Variants in FGF12 observed in about 807,000 individuals in gnomAD.
FGF12 encodes the protein fibroblast growth factor 12, also known as fibroblast growth factor 12B.
A neutral mutation model predicts 23.6 loss-of-function variants in FGF12; 14 were observed. The observed-to-expected ratio is 0.59, with a 90% CI of 0.39 to 0.93. The LOEUF (loss-of-function observed/expected upper bound fraction) is 0.93, where lower values mean the gene tolerates loss of function less well. Ranked by LOEUF, FGF12 falls within the 40% of genes least tolerant of loss-of-function variation. The pLI, the probability that FGF12 is intolerant of heterozygous loss-of-function variation, is 0.00. For missense variants in FGF12, 175 were observed against 217.8 expected (o/e 0.80, Z 1.24); for synonymous variants, 62 against 77.3 (o/e 0.80, Z 1.04).
At chr3:192,414,527 CTT>C (rs1020066374) in intron 2 of FGF12, among the ~76,000 whole-genome samples, 5 of 152,164 alleles carry the variant, frequency 3.3e-5, no homozygotes, top group Non-Finnish European at 7.4e-5. Flanking sequence ...TTATGTAACT[CTT>C]TACTAATTAC....
At chr3:192,341,087 C>T in intron 3 of FGF12, among the ~76,000 whole-genome samples, 1 of 152,068 alleles carries the variant, frequency 6.6e-6, no homozygotes, top group Non-Finnish European at 1.5e-5. Context: ...ATCCAGAATA[C>T]ATAAGAAACT....
intron 4 of FGF12, among the ~76,000 whole-genome samples, chr3:192,281,650 GC>G (rs1714150655): frequency 6.6e-6 from 1 of 152,044 alleles, no homozygotes; most frequent in African/African-American, 2.4e-5. Flanking sequence ...TGTGACCTCA[GC>G]TTGGGCACTT....
intron 4 of FGF12, among the ~76,000 whole-genome samples, chr3:192,247,262 A>T (rs1357450309): frequency 6.6e-6 from 1 of 152,158 alleles, no homozygotes; most frequent in Non-Finnish European, 1.5e-5. Flanking sequence ...CAACAAGCAG[A>T]TGCACTCATC....
At chr3:192,456,946 T>C (rs1722700130) in intron 2 of FGF12, among the ~76,000 whole-genome samples, 1 of 152,182 alleles carries the variant, frequency 6.6e-6, no homozygotes, top group East Asian at 1.9e-4. Flanking sequence ...AATTCCCATG[T>C]GTTGTGGGAG....
intron 5 of FGF12, among the ~76,000 whole-genome samples, chr3:192,147,101 CCA>C (rs1479324736): frequency 6.6e-6 from 1 of 152,116 alleles, no homozygotes; most frequent in East Asian, 1.9e-4. Flanking sequence ...CTTCTGTTAA[CCA>C]AAATAAAAAG....
At chr3:192,272,445 C>T (rs975391237) in intron 4 of FGF12, among the ~76,000 whole-genome samples, 8 of 152,042 alleles carry the variant, frequency 5.3e-5, no homozygotes, top group African/African-American at 1.7e-4. Context: ...TAAAATAAAA[C>T]GTAACCAGTG....
intron 2 of FGF12, among the ~76,000 whole-genome samples, chr3:192,642,346 T>C (rs1023883351): frequency 2.6e-5 from 4 of 152,172 alleles, no homozygotes; most frequent in Admixed American, 1.3e-4. Flanking sequence ...AAGAGATTCC[T>C]GCCCTGACCC....
chr3:192,324,725 A>AATAC (rs756463918), intron 4 of FGF12, among the ~76,000 whole-genome samples: 4 of 152,346 alleles, frequency 2.6e-5, no homozygotes, highest in Middle Eastern at 3.4e-3. Flanking sequence ...TGACTAAAGA[A>AATAC]ATACAATCTA....
At chr3:192,617,449 C>CT (rs1238981624) in intron 2 of FGF12, among the ~76,000 whole-genome samples, 1 of 152,038 alleles carries the variant, frequency 6.6e-6, no homozygotes, top group Non-Finnish European at 1.5e-5. Flanking sequence ...AGAAGTCATT[C>CT]TCCCACTTTC....
At chr3:192,469,462 T>C (rs1723108401) in intron 2 of FGF12, among the ~76,000 whole-genome samples, 1 of 152,234 alleles carries the variant, frequency 6.6e-6, no homozygotes, top group South Asian at 2.1e-4. Context: ...CTTCTTTACC[T>C]GTAACTTTTT....
At chr3:192,215,706 C>G (rs1321521715) in intron 4 of FGF12, among the ~76,000 whole-genome samples, 8 of 152,176 alleles carry the variant, frequency 5.3e-5, no homozygotes, top group Admixed American at 5.2e-4. Context: ...TTAGACTGCT[C>G]TCTCTTATTT....
chr3:192,484,988 G>A (rs1282130203), intron 2 of FGF12, among the ~76,000 whole-genome samples: 1 of 150,390 alleles, frequency 6.6e-6, no homozygotes, highest in Non-Finnish European at 1.5e-5. Flanking sequence ...AATTTTATAT[G>A]TGTACACATA....
chr3:192,704,635 T>A (rs1467987558), intron 2 of FGF12, among the ~76,000 whole-genome samples: 1 of 152,208 alleles, frequency 6.6e-6, no homozygotes, highest in African/African-American at 2.4e-5. Flanking sequence ...AGTCACCAGC[T>A]GCATTAGCCC....
intron 4 of FGF12, among the ~76,000 whole-genome samples, chr3:192,297,588 A>T (rs995459597): frequency 6.6e-6 from 1 of 152,164 alleles, no homozygotes; most frequent in African/African-American, 2.4e-5. Context: ...TAACAATACC[A>T]CTTAGAATTT....
intron 2 of FGF12, among the ~76,000 whole-genome samples, chr3:192,567,779 TTCTTTCTTTCTTTCTTTCTTTC>T (rs1560152975): frequency 1.5e-5 from 2 of 135,690 alleles, no homozygotes; most frequent in African/African-American, 2.6e-5. Flanking sequence ...CTTTCTTTCT[TTCTTTCTTTCTTTCTTTCTTTC>T]TCTTTCTTTC....
intron 2 of FGF12, among the ~76,000 whole-genome samples, chr3:192,640,795 TTTTGTTTGTTTG>T (rs139763676): frequency 1.4e-4 from 21 of 150,010 alleles, no homozygotes; most frequent in East Asian, 5.9e-4. Flanking sequence ...AACCCCTTTT[TTTTGTTTGTTTG>T]TTTGTTTGTT....
At chr3:192,210,032 A>G (rs575169807) in intron 4 of FGF12, among the ~76,000 whole-genome samples, 1 of 152,334 alleles carries the variant, frequency 6.6e-6, no homozygotes, top group South Asian at 2.1e-4. Context: ...CAGTGACTAG[A>G]TTTAACTTCC....
At chr3:192,659,079 G>A (rs1283776060) in intron 2 of FGF12, among the ~76,000 whole-genome samples, 1 of 152,134 alleles carries the variant, frequency 6.6e-6, no homozygotes, top group Non-Finnish European at 1.5e-5. Context: ...GATGGTTTCA[G>A]CTGCTGATGC....
At chr3:192,501,369 T>C (rs771477265) in intron 2 of FGF12, among the ~76,000 whole-genome samples, 1 of 152,236 alleles carries the variant, frequency 6.6e-6, no homozygotes, top group African/African-American at 2.4e-5. Flanking sequence ...TTTGTTACCA[T>C]ATTCTCTGCA....
Sources: gnomAD v4.1 joint callset for allele counts (sites outside exome capture counted in the v4.1 genomes callset) on GRCh38, gnomAD v4.1.1 for gene constraint, MANE v1.5 for transcripts, NCBI Gene and HGNC (gene_info 2026-07-23, HGNC 2026-07-21) for gene names.